Variants in TPRG1 observed in about 807,000 individuals in gnomAD.
TPRG1 encodes the protein tumor protein p63-regulated gene 1 protein.
TPRG1 carries 29 observed loss-of-function variants against 29.3 expected under a neutral mutation model. That is an observed-to-expected ratio of 0.99 (90% CI 0.74 to 1.35). TPRG1 has a LOEUF of 1.35. Among genes scored for constraint, TPRG1 ranks in the 40% most tolerant of loss-of-function variants. The probability of loss-of-function intolerance (pLI) is 0.00; values close to 1 mark genes in which losing one functional copy is unlikely to be tolerated. For missense variants in TPRG1, 327 were observed against 335.0 expected, an observed-to-expected ratio of 0.98 and a Z score of 0.19; for synonymous variants, 130 against 116.8, an observed-to-expected ratio of 1.11 and a Z score of -0.73.
At chr3:189,025,080 CT>C (rs1330672730) in intron 4 of TPRG1, among the ~76,000 whole-genome samples, 1 of 152,224 alleles carries the variant, frequency 6.6e-6, no homozygotes, top group African/African-American at 2.4e-5. Flanking sequence ...AACATCCTGC[CT>C]TGCCTGAGAT....
At chr3:189,022,526 C>T (rs550621375) in intron 3 of TPRG1, among the ~76,000 whole-genome samples, 1 of 150,628 alleles carries the variant, frequency 6.6e-6, no homozygotes, top group East Asian at 2.0e-4. Flanking sequence ...TGGGGGGTGC[C>T]TCCCAGTTAG....
intron 3 of TPRG1, among the ~76,000 whole-genome samples, chr3:189,005,044 A>G (rs721820): frequency 0.038 from 5,850 of 152,184 alleles, 368 homozygotes; most frequent in African/African-American, 0.13. Context: ...TATGGGATCT[A>G]AAAATCAAAA....
chr3:189,125,747 T>C lies in TPRG1; in HGVS notation c.-743-1310T>C, dbSNP rs147198191. 1.1e-3 allele frequency among the ~76,000 whole-genome samples: 172 copies of C among 152,098 alleles called. 1 individual carries two copies. The highest frequency in any genetic ancestry group is 3.2e-3 in the African/African-American group (133 of 41,486). On this transcript the variant is annotated intron_variant, in intron 1 of 6. Coordinates refer to the TPRG1 transcript ENST00000412373. The stretch of plus-strand genomic sequence containing the variant: ...TCCTCCTCCTTTGCAGAATTCTTTA[T>C]ATCAGACTTATTTTTCTCATTGAGA...
chr3:189,019,324 A>T (rs560549689), intron 3 of TPRG1, among the ~76,000 whole-genome samples: 137 of 152,256 alleles, frequency 9.0e-4, no homozygotes, highest in African/African-American at 3.2e-3. Flanking sequence ...TTCAAAGGGA[A>T]TGCTTCCAGT....
At chr3:189,294,741 A>G (rs887382946) in intron 4 of TPRG1, among the ~76,000 whole-genome samples, 2 of 152,200 alleles carry the variant, frequency 1.3e-5, no homozygotes, top group African/African-American at 2.4e-5. Context: ...GACAATGAAT[A>G]TGAAGATGTG....
chr3:189,010,135 T>C (rs1308236944), intron 3 of TPRG1, among the ~76,000 whole-genome samples: 4 of 152,214 alleles, frequency 2.6e-5, no homozygotes, highest in Non-Finnish European at 5.9e-5. Flanking sequence ...TCTTCCTTTT[T>C]ATGGCTGCAT....
intron 4 of TPRG1, among the ~76,000 whole-genome samples, chr3:189,088,654 T>A (rs150323620): frequency 6.6e-6 from 1 of 152,178 alleles, no homozygotes; most frequent in African/African-American, 2.4e-5. Flanking sequence ...CATCTATATC[T>A]ATATATTTTC....
At position 189,088,485 on chromosome 3, in the gene TPRG1, C is replaced by T. The variant is rs554787417; in HGVS notation, c.-462-38572C>T. On this transcript the variant is annotated intron_variant, in intron 4 of 10. Transcript: ENST00000433971. ...GACTTCCTCTTTTCCTAATTGAATA[C>T]CCTTTATTTCTTTCTCCTACCTGAT... 1.5e-3 allele frequency among the ~76,000 whole-genome samples: 226 copies of T among 152,254 alleles called. 1 individual carries two copies. The highest frequency in any genetic ancestry group is 5.1e-3 in the African/African-American group (213 of 41,558).
intron 5 of TPRG1, among the ~76,000 whole-genome samples, chr3:189,166,549 A>C (rs889981994): frequency 1.3e-5 from 2 of 152,256 alleles, no homozygotes; most frequent in African/African-American, 4.8e-5. Context: ...TTAGTCAACT[A>C]GGGAAGTAAC....
intron 3 of TPRG1, among the ~76,000 whole-genome samples, chr3:189,142,901 T>C (rs938590136): frequency 2.6e-4 from 40 of 152,174 alleles, no homozygotes; most frequent in Admixed American, 9.2e-4. Flanking sequence ...TCCCACCACC[T>C]CATTAATATA....
At chr3:189,272,337 C>T (rs996889699) in intron 4 of TPRG1, among the ~76,000 whole-genome samples, 5 of 152,172 alleles carry the variant, frequency 3.3e-5, no homozygotes, top group African/African-American at 4.8e-5. Flanking sequence ...GAATTTTGTG[C>T]CAACTCTGCC....
rs911518780 is a variant in TPRG1 at position 189,007,221 on chromosome 3, C to G, written c.-660+2461C>G. 1.3e-3 allele frequency among the ~76,000 whole-genome samples: 203 copies of G among 151,976 alleles called. 5 individuals carry two copies. The highest frequency in any genetic ancestry group is 0.013 in the Admixed American group (202 of 15,248). On this transcript the variant is annotated intron_variant, in intron 3 of 10. Coordinates refer to the TPRG1 transcript ENST00000433971. ...ACAAGAAAAAAACAAACAACCCCAT[C>G]AAAAAGTGGGCGAAGGACATGAACA...
intron 1 of TPRG1, among the ~76,000 whole-genome samples, chr3:189,195,805 A>G (rs1345889346): frequency 6.6e-6 from 1 of 152,188 alleles, no homozygotes; most frequent in Non-Finnish European, 1.5e-5. Flanking sequence ...GGTGATCCTG[A>G]TTAAGGGATG....
At chr3:189,175,802 T>TCC (rs1255642065) in intron 1 of TPRG1, among the ~76,000 whole-genome samples, 1 of 152,174 alleles carries the variant, frequency 6.6e-6, no homozygotes, top group East Asian at 1.9e-4. Flanking sequence ...GGAAAAGGTT[T>TCC]CTCTCTCTCA....
chr3:189,173,756 G>T (rs1729135140), intron 1 of TPRG1, among the ~76,000 whole-genome samples: 1 of 151,994 alleles, frequency 6.6e-6, no homozygotes, highest in South Asian at 2.1e-4. Flanking sequence ...AGTGAATGGT[G>T]CTAGGAGTCC....
chr3:189,207,121 C>T, intron 1 of TPRG1: 1 of 967,578 alleles, frequency 1.0e-6, no homozygotes, highest in East Asian at 1.1e-4. Context: ...TTCCTGTCTC[C>T]TGGGATTAAA....
upstream of TPRG1, among the ~76,000 whole-genome samples, chr3:189,168,080 C>T (rs1019207411): frequency 1.3e-5 from 2 of 152,036 alleles, no homozygotes; most frequent in African/African-American, 4.8e-5. Flanking sequence ...GAGTGAGATG[C>T]AGGGAAGGAA....
At chr3:189,194,157 C>T (rs1384781091) in intron 1 of TPRG1, among the ~76,000 whole-genome samples, 1 of 151,910 alleles carries the variant, frequency 6.6e-6, no homozygotes, top group African/African-American at 2.4e-5. Flanking sequence ...ATGGTATGAT[C>T]TCTGTGCAGC....
At chr3:189,045,732 A>G (rs1714935701) in intron 4 of TPRG1, among the ~76,000 whole-genome samples, 1 of 152,256 alleles carries the variant, frequency 6.6e-6, no homozygotes, top group Non-Finnish European at 1.5e-5. Context: ...TATTTATATT[A>G]TAACTGGAAC....
Sources: allele counts gnomAD v4.1 joint callset (sites outside exome capture counted in the v4.1 genomes callset), GRCh38; gene constraint gnomAD v4.1.1; transcripts MANE v1.5; gene names NCBI Gene and HGNC (gene_info 2026-07-23, HGNC 2026-07-21).